Variants in COX15 observed in about 807,000 individuals in gnomAD.
The protein encoded by COX15 is heme A synthase COX15.
A neutral mutation model predicts 51.9 loss-of-function variants in COX15; 51 were observed. The ratio of observed to expected loss-of-function variants is 0.98; its 90% CI spans 0.78 to 1.24. COX15 has a LOEUF of 1.24. Ranked by LOEUF, COX15 falls within the 50% of genes most tolerant of loss-of-function variation. The pLI is 0.00. For missense variants in COX15, 420 were observed against 501.1 expected, an observed-to-expected ratio of 0.84 and a Z score of 1.55; for synonymous variants, 188 against 190.5, an observed-to-expected ratio of 0.99 and a Z score of 0.11.
downstream of COX15, chr10:99,708,687 G>C (rs563201284): frequency 7.9e-6 from 3 of 380,444 alleles, no homozygotes; most frequent in South Asian, 2.1e-4. Context: ...GGTGGGAACA[G>C]AGTTTCTAAT....
the COX15 span, chr10:99,704,983 C>T: frequency 2.8e-6 from 1 of 351,542 alleles, no homozygotes; most frequent in Non-Finnish European, 5.3e-6. Flanking sequence ...TTCCTAGAAT[C>T]TCACCTTTTC....
At chr10:99,715,660 T>C (rs1359930171) in intron 8 of COX15, among the ~76,000 whole-genome samples, 1 of 151,854 alleles carries the variant, frequency 6.6e-6, no homozygotes, top group African/African-American at 2.4e-5. Context: ...AAAAAAGATA[T>C]TGCCAAATTG....
chr10:99,729,445 G>A (rs1373946709), intron 2 of COX15, 108 bp downstream of exon 2: 1 of 1,216,628 alleles, frequency 8.2e-7, no homozygotes, highest in Non-Finnish European at 1.2e-6. Context: ...GGCCAACAGA[G>A]CAAGACTCTG....
At chr10:99,709,776 G>A (rs2036327364), downstream of COX15, 1 of 985,202 alleles carries the variant, frequency 1.0e-6, no homozygotes, top group African/African-American at 1.7e-5. Context: ...CTTCTCTTGT[G>A]TTATTACACA....
downstream of COX15, chr10:99,706,165 G>C (rs2036248378): frequency 6.6e-6 from 1 of 152,044 alleles, no homozygotes; most frequent in South Asian, 2.1e-4. Context: ...ACTGGGAACA[G>C]AAAGGAACTA....
chr10:99,719,884 A>G (rs2036704307), intron 6 of COX15, among the ~76,000 whole-genome samples: 1 of 152,142 alleles, frequency 6.6e-6, no homozygotes, highest in African/African-American at 2.4e-5. Flanking sequence ...GGTTTGAATC[A>G]ATATTATTTT....
At chr10:99,717,634 C>T (rs1030364431) in intron 7 of COX15, among the ~76,000 whole-genome samples, 4 of 152,056 alleles carry the variant, frequency 2.6e-5, no homozygotes, top group South Asian at 4.1e-4. Flanking sequence ...ACAATCCTCT[C>T]GCCTCAGCCT....
In COX15 at chr10:99,713,674, T is replaced by C. The variant is rs2036470537; in HGVS notation, c.*913A>G. The C allele has an allele frequency of 2.4e-6, 2 of 843,660 alleles. No homozygotes were observed. The highest frequency in any genetic ancestry group is 3.5e-6 in the Non-Finnish European group (2 of 563,820). 52.3% of individuals were successfully genotyped at this position (843,660 alleles called of 1,614,324 possible). ...TGACCTTGTAATGTTAACAGCCTTATCAAAAGAGGAACTAGCTGGGCGTGG... is the reference window on the plus strand; with the variant it reads ...TGACCTTGTAATGTTAACAGCCTTACCAAAAGAGGAACTAGCTGGGCGTGG... On this transcript the variant is annotated 3_prime_UTR_variant, in exon 9 of 9. Coordinates refer to ENST00000016171, the MANE Select transcript of COX15 (RefSeq NM_078470.6).
In COX15 at chr10:99,727,114, A is replaced by G; in HGVS notation, c.436T>C (p.Trp146Arg). The G allele has an allele frequency of 6.2e-7, 1 of 1,614,252 alleles. No homozygotes were observed. Among genetic ancestry groups the G allele is most frequent in the Non-Finnish European group, 8.5e-7 (1 of 1,180,048 alleles). ...ATTCGGTGTGAGTACTCCATGTACC[A>G]GATGAACTTGAATTCTGTCAGTGTC... ...DMTLTEFKFI[W>R]YMEYSHRMWG... The change falls in exon 4 of 9, where the codon TGG becomes CGG. Residue 146 changes from tryptophan (W) to arginine (R), a missense_variant. Trp to Arg is a moderately radical substitution (Grantham distance 101, BLOSUM62 -3). Coordinates refer to ENST00000016171, the MANE Select transcript of COX15 (RefSeq NM_078470.6).
downstream of COX15, among the ~76,000 whole-genome samples, chr10:99,707,118 A>G (rs2036269550): frequency 6.6e-6 from 1 of 152,138 alleles, no homozygotes; most frequent in Admixed American, 6.5e-5. Flanking sequence ...GGATACCTAC[A>G]TTTATCACTT....
In COX15 at chr10:99,732,061, G is replaced by A. The variant is rs1236110934; in HGVS notation, c.-12C>T. Reference sequence around the variant, plus strand: ...AGCAATCGCTGCATACTGATGACAGGGAACAGCCACCTCTTCCACAACCCA... The same window carrying A: ...AGCAATCGCTGCATACTGATGACAGAGAACAGCCACCTCTTCCACAACCCA... On this transcript the variant is annotated 5_prime_UTR_variant, in exon 1 of 9. Transcript: ENST00000016171. The A allele has an allele frequency of 5.0e-6, 8 of 1,610,788 alleles. No individual in the cohort carries two copies. In the African/African-American group the frequency reaches 5.3e-5, roughly 11 times the overall value.
Position 99,716,248 on chromosome 10 carries a change from C to T in COX15, c.1101+100G>A, listed in dbSNP as rs540210076. 9.0e-5 allele frequency: 76 copies of T among 844,004 alleles called. 1 individual carries two copies. In the South Asian group the frequency reaches 9.9e-4, roughly 11 times the overall value. The allele number at this position is 844,004 out of a possible 1,614,324, so 52.3% of individuals were successfully genotyped here. On this transcript the variant is annotated intron_variant, in intron 8 of 8. Transcript: ENST00000016171. Reference sequence around the variant, plus strand: ...GCTCAAGTGATCTGCCCACCTAGGCCTCCCAAAGTGCTGGGATTACAGCCA... The same window carrying T: ...GCTCAAGTGATCTGCCCACCTAGGCTTCCCAAAGTGCTGGGATTACAGCCA...
intron 5 of COX15, among the ~76,000 whole-genome samples, chr10:99,722,066 A>G (rs951286781): frequency 2.0e-5 from 3 of 151,814 alleles, no homozygotes; most frequent in Admixed American, 6.6e-5. Context: ...GGGTTTCACT[A>G]TGTTGGCCAG....
chr10:99,714,354 A>G lies in COX15; in HGVS notation c.*233T>C. Reference sequence around the variant, plus strand: ...TGGCAGACATTTCTTTCTCTACATTAAAACTGATTTTCAACATGAAAAGCA... The same window carrying G: ...TGGCAGACATTTCTTTCTCTACATTGAAACTGATTTTCAACATGAAAAGCA... On this transcript the variant is annotated 3_prime_UTR_variant, in exon 9 of 9. Coordinates refer to ENST00000016171, the MANE Select transcript of COX15 (RefSeq NM_078470.6). 7.5e-7 allele frequency: 1 copy of G among 1,327,242 alleles called. No individual in the cohort carries two copies. The highest frequency in any genetic ancestry group is 9.7e-7 in the Non-Finnish European group (1 of 1,033,172). 82.2% of individuals were successfully genotyped at this position (1,327,242 alleles called of 1,614,324 possible). A position where few individuals can be genotyped will look rare whatever the true frequency, so the allele number is the denominator to read the frequency against.
At position 99,727,009 on chromosome 10, in the gene COX15, T is replaced by C. The variant is rs776119793; in HGVS notation, c.541A>G (p.Lys181Glu). 1.2e-6 allele frequency: 2 copies of C among 1,614,162 alleles called. No homozygotes were observed. The highest frequency in any genetic ancestry group is 3.3e-5 in the Admixed American group (2 of 60,018). The change falls in exon 4 of 9, where the codon AAA (lysine) becomes GAA (glutamate). Residue 181 changes from lysine to glutamate, a missense_variant. Coordinates refer to ENST00000016171, the MANE Select transcript of COX15 (RefSeq NM_078470.6). ...WRKGWLSRGM[K>E]GRVLALCGLV... ...CCACAGAGGGCAAGAACACGTCCTTTCATGCCACGGCTGAGCCAGCCCTTT... is the reference window on the plus strand; with the variant it reads ...CCACAGAGGGCAAGAACACGTCCTTCCATGCCACGGCTGAGCCAGCCCTTT...
the COX15 span, chr10:99,700,990 T>A: frequency 1.1e-5 from 18 of 1,614,112 alleles, no homozygotes; most frequent in Non-Finnish European, 1.3e-5. Flanking sequence ...GTGGCATGGC[T>A]TGGTCGGTAC....
At position 99,713,137 on chromosome 10, in the gene COX15, C is replaced by T; in HGVS notation, c.*1450G>A. The T allele has an allele frequency of 7.7e-7, 1 of 1,300,400 alleles. No individual in the cohort carries two copies. The highest frequency in any genetic ancestry group is 9.8e-7 in the Non-Finnish European group (1 of 1,017,332). The allele number at this position is 1,300,400 out of a possible 1,614,324, so 80.6% of individuals were successfully genotyped here. A position where few individuals can be genotyped will look rare whatever the true frequency, so the allele number is the denominator to read the frequency against. On this transcript the variant is annotated 3_prime_UTR_variant, in exon 9 of 9. Coordinates refer to ENST00000016171, the MANE Select transcript of COX15 (RefSeq NM_078470.6). ...GGCTGTGACACTTCTACTGATAAAA[C>T]CTGAAGTACCACTAATTTTTCTGTT...
At chr10:99,704,841 C>A in the COX15 span, 1 of 671,728 alleles carries the variant, frequency 1.5e-6, no homozygotes, top group Non-Finnish European at 2.5e-6. Context: ...CTTCTCCGTA[C>A]CCAGGTCTTC....
downstream of COX15, chr10:99,709,102 T>C (rs2036308967): frequency 1.0e-6 from 1 of 981,874 alleles, no homozygotes; most frequent in African/African-American, 1.7e-5. Flanking sequence ...AAAACAATTT[T>C]ATACAATTTC....
Sources: allele counts gnomAD v4.1 joint callset (sites outside exome capture counted in the v4.1 genomes callset), GRCh38; gene constraint gnomAD v4.1.1; transcripts MANE v1.5; gene names NCBI Gene and HGNC (gene_info 2026-07-23, HGNC 2026-07-21).